SLC25A13: variants seen among roughly 807,000 people sequenced by gnomAD.
SLC25A13 encodes the protein electrogenic aspartate/glutamate antiporter SLC25A13, mitochondrial.
In SLC25A13, 70 loss-of-function variants were observed where a neutral mutation model predicts 85.5. The ratio of observed to expected loss-of-function variants is 0.82; its 90% CI spans 0.68 to 1.00. SLC25A13 has a LOEUF of 1.00. SLC25A13 is among the 50% of genes least tolerant of loss of function. The probability of loss-of-function intolerance (pLI) is 0.00; values close to 1 mark genes in which losing one functional copy is unlikely to be tolerated. For missense variants in SLC25A13, 765 were observed against 819.8 expected (o/e 0.93, Z 0.82); for synonymous variants, 259 against 288.7 (o/e 0.90, Z 1.04).
At chr7:96,259,289 G>A (rs1056617629) in intron 3 of SLC25A13, among the ~76,000 whole-genome samples, 9 of 152,102 alleles carry the variant, frequency 5.9e-5, no homozygotes, top group Non-Finnish European at 1.0e-4. Flanking sequence ...TACAGAATGG[G>A]AGAAAAATTT....
At chr7:96,174,386 A>G (rs996161260) in intron 11 of SLC25A13, among the ~76,000 whole-genome samples, 17 of 152,344 alleles carry the variant, frequency 1.1e-4, no homozygotes, top group South Asian at 6.2e-4. Flanking sequence ...CTCCTAAACT[A>G]TACTCATGAC....
At chr7:96,207,591 A>G (rs935075327) in intron 5 of SLC25A13, among the ~76,000 whole-genome samples, 8 of 152,250 alleles carry the variant, frequency 5.3e-5, no homozygotes, top group Non-Finnish European at 1.2e-4. Flanking sequence ...AATAAAGTAT[A>G]AATAAAATGT....
At chr7:96,307,217 T>C (rs1244031127) in intron 1 of SLC25A13, among the ~76,000 whole-genome samples, 1 of 152,210 alleles carries the variant, frequency 6.6e-6, no homozygotes, top group Non-Finnish European at 1.5e-5. Flanking sequence ...TCAACAACTA[T>C]TTAAAAAATT....
chr7:96,130,713 C>G (rs987353569), intron 15 of SLC25A13, among the ~76,000 whole-genome samples: 2 of 152,192 alleles, frequency 1.3e-5, no homozygotes, highest in African/African-American at 4.8e-5. Flanking sequence ...CTCCTGAAAT[C>G]ATGATCTCTT....
At chr7:96,207,432 G>C (rs1274509054) in intron 5 of SLC25A13, among the ~76,000 whole-genome samples, 2 of 152,032 alleles carry the variant, frequency 1.3e-5, no homozygotes, top group African/African-American at 4.8e-5. Context: ...AGAGGGCTCT[G>C]GCAAGGTCTG....
At chr7:96,254,053 C>A (rs1797534146) in intron 3 of SLC25A13, among the ~76,000 whole-genome samples, 1 of 152,116 alleles carries the variant, frequency 6.6e-6, no homozygotes, top group South Asian at 2.1e-4. Context: ...GTCTGTCTGT[C>A]TTCCCTGGAG....
chr7:96,215,269 G>T (rs1795848035), intron 4 of SLC25A13, among the ~76,000 whole-genome samples: 1 of 152,058 alleles, frequency 6.6e-6, no homozygotes, highest in Non-Finnish European at 1.5e-5. Flanking sequence ...GCTAATTTTT[G>T]TATTTTTAGT....
At chr7:96,309,743 T>C (rs924158467) in intron 1 of SLC25A13, 1 of 152,200 alleles carries the variant, frequency 6.6e-6, no homozygotes, top group Admixed American at 6.5e-5. Context: ...CTTCAGAACC[T>C]TGACATCATT....
At chr7:96,243,343 AAGGATAC>A (rs1261398900) in intron 3 of SLC25A13, among the ~76,000 whole-genome samples, 1 of 152,184 alleles carries the variant, frequency 6.6e-6, no homozygotes, top group African/African-American at 2.4e-5. Flanking sequence ...CCCAGGCACT[AAGGATAC>A]CTCAAAATTG....
chr7:96,287,510 C>T (rs1272828395), intron 2 of SLC25A13, among the ~76,000 whole-genome samples: 1 of 152,212 alleles, frequency 6.6e-6, no homozygotes, highest in African/African-American at 2.4e-5. Flanking sequence ...CATGAATTCT[C>T]ACCCTCTCTA....
rs143566020 is a variant in SLC25A13 at position 96,189,971 on chromosome 7, C to G, written c.755-297G>C. On this transcript the variant is annotated intron_variant, in intron 7 of 17. Transcript: ENST00000265631. Reference sequence around the variant, plus strand: ...TATATGAAACTTCATATGCATAGGTCCCAGGAGGGGAAGTTATATTAATCT... The same window carrying G: ...TATATGAAACTTCATATGCATAGGTGCCAGGAGGGGAAGTTATATTAATCT... Among the ~76,000 whole-genome samples, 1,640 of 151,844 alleles carry G rather than the reference C, an allele frequency of 0.011. 14 individuals are homozygous for G. The highest frequency in any genetic ancestry group is 0.019 in the South Asian group (91 of 4,792).
chr7:96,285,078 C>A (rs1012187270), intron 2 of SLC25A13, among the ~76,000 whole-genome samples: 3 of 152,140 alleles, frequency 2.0e-5, no homozygotes, highest in African/African-American at 7.2e-5. Context: ...CTTTTCCTCC[C>A]TCGAGCTACT....
chr7:96,252,741 C>G (rs1236564386), intron 3 of SLC25A13, among the ~76,000 whole-genome samples: 1 of 152,060 alleles, frequency 6.6e-6, no homozygotes, highest in Non-Finnish European at 1.5e-5. Context: ...AAGATCGTAA[C>G]AAGGGCAGAT....
intron 2 of SLC25A13, 85 bp downstream of exon 2, chr7:96,296,813 G>T: frequency 7.4e-7 from 1 of 1,352,758 alleles, no homozygotes; most frequent in Non-Finnish European, 1.1e-6. Context: ...ATATAACAAC[G>T]AAATAAAGAG....
chr7:96,131,052 G>A (rs569478913), intron 15 of SLC25A13, among the ~76,000 whole-genome samples: 2 of 152,268 alleles, frequency 1.3e-5, no homozygotes, highest in African/African-American at 4.8e-5. Context: ...TCCTGTGACC[G>A]CCTTAGGGTT....
In SLC25A13 at chr7:96,285,249, G is replaced by A. The variant is rs77976939; in HGVS notation, c.70-7911C>T. Among the ~76,000 whole-genome samples the A allele has an allele frequency of 1.1e-4, 17 of 152,090 alleles. 1 individual carries two copies. Among genetic ancestry groups the A allele is most frequent in the African/African-American group, 3.1e-4 (13 of 41,484 alleles). ...GCCATTCTCCATTCCTCCTGCTGCC[G>A]CAACCCTAAGGCTGCCTAACTTGTG... is the stretch of plus-strand genomic sequence containing the variant. On this transcript the variant is annotated intron_variant, in intron 2 of 17. Coordinates refer to ENST00000265631, the MANE Select transcript of SLC25A13 (RefSeq NM_014251.3).
intron 2 of SLC25A13, among the ~76,000 whole-genome samples, chr7:96,290,672 A>G (rs1410794375): frequency 1.3e-5 from 2 of 152,132 alleles, no homozygotes; most frequent in African/African-American, 2.4e-5. Context: ...AAGATCAAAA[A>G]AGACAAAGAA....
chr7:96,287,263 A>T (rs780169072), intron 2 of SLC25A13, among the ~76,000 whole-genome samples: 1 of 152,212 alleles, frequency 6.6e-6, no homozygotes, highest in Non-Finnish European at 1.5e-5. Flanking sequence ...TGAGATCACC[A>T]GAACTTTTGC....
intron 5 of SLC25A13, among the ~76,000 whole-genome samples, chr7:96,204,075 T>A (rs1222584186): frequency 6.6e-6 from 1 of 152,202 alleles, no homozygotes; most frequent in Non-Finnish European, 1.5e-5. Context: ...TTTGGAAACA[T>A]AATGAAAGCT....
Sources: gnomAD v4.1 joint callset for allele counts (sites outside exome capture counted in the v4.1 genomes callset) on GRCh38, gnomAD v4.1.1 for gene constraint, MANE v1.5 for transcripts, NCBI Gene and HGNC (gene_info 2026-07-23, HGNC 2026-07-21) for gene names.